PADI3: variants seen among roughly 807,000 people sequenced by gnomAD.
PADI3 encodes peptidyl arginine deiminase 3.
PADI3 carries 53 observed loss-of-function variants against 71.5 expected under a neutral mutation model. The ratio of observed to expected loss-of-function variants is 0.74; its 90% CI spans 0.59 to 0.93. PADI3 has a LOEUF of 0.93. Among genes scored for constraint, PADI3 ranks in the 40% least tolerant of loss-of-function variants. The probability of loss-of-function intolerance (pLI) is 0.00; values close to 1 mark genes in which losing one functional copy is unlikely to be tolerated. For synonymous variants in PADI3, 361 were observed against 347.5 expected (o/e 1.04, Z -0.43); for missense variants, 821 against 868.0 (o/e 0.95, Z 0.68).
Position 17,259,579 on chromosome 1 carries a change from T to TCAGTGG in PADI3, c.99_100insGCAGTG (p.Val33_Pro34insAlaVal). On this transcript the variant is annotated inframe_insertion and splice_region_variant, in exon 2 of 16. Transcript: ENST00000375460. ...ACCATGGCTCTCTGCCCTGCCCAGG[T>TCAGTGG]CAGTGCCTGAGGGCACAGAAATGTT... 1 of 1,601,974 alleles carries TCAGTGG rather than the reference T, an allele frequency of 6.2e-7. No homozygotes were observed. Among genetic ancestry groups the TCAGTGG allele is most frequent in the Non-Finnish European group, 8.5e-7 (1 of 1,172,768 alleles).
intron 8 of PADI3, 35 bp downstream of exon 8, chr1:17,271,017 C>G: frequency 6.2e-7 from 1 of 1,613,328 alleles, no homozygotes; most frequent in Non-Finnish European, 8.5e-7. Context: ...CCCTCTGGCC[C>G]CCAGGCCCCG....
rs71014927 is a variant in PADI3, at chr1:17,281,450, C to CTTT, written c.1761+665_1761+667dup. On this transcript the variant is annotated intron_variant, in intron 15 of 15. Transcript: ENST00000375460. The stretch of plus-strand genomic sequence containing the variant: ...CTTGTAAATCTTTTTTTCTTTTTTT[C>CTTT]TTTTTTTTTTTTTGAGACGGAGTCT... 5.3e-4 allele frequency among the ~76,000 whole-genome samples: 75 copies of CTTT among 141,998 alleles called. 1 individual carries two copies. Among genetic ancestry groups the CTTT allele is most frequent in the African/African-American group, 1.6e-3 (60 of 38,384 alleles). The allele number at this position is 141,998 out of a possible 152,430, so 93.2% of individuals were successfully genotyped here. A position where few individuals can be genotyped will look rare whatever the true frequency, so the allele number is the denominator to read the frequency against.
intron 3 of PADI3, among the ~76,000 whole-genome samples, chr1:17,265,122 G>C (rs2073150924): frequency 6.6e-6 from 1 of 151,590 alleles, no homozygotes; most frequent in East Asian, 1.9e-4. Flanking sequence ...CAGAAAGATT[G>C]ATTCTGACCT....
rs771576156 is a variant in PADI3, at chr1:17,280,702, A to G, written c.1667A>G (p.Lys556Arg). 1 of 1,614,170 alleles carries G rather than the reference A, an allele frequency of 6.2e-7. No individual in the cohort carries two copies. Among genetic ancestry groups the G allele is most frequent in the Non-Finnish European group, 8.5e-7 (1 of 1,180,022 alleles). ...ATCGACTGGAACCGTGAGGTGCTGA[A>G]GCGGGAGCTGGGCCTGGCAGAGTGT... is the stretch of plus-strand genomic sequence containing the variant. Reference protein sequence around the residue: ...SCIDWNREVLKRELGLAECDI... With the variant: ...SCIDWNREVLRRELGLAECDI... The change falls in exon 15 of 16, where the codon AAG becomes AGG. Residue 556 changes from lysine to arginine, a missense_variant. By Grantham distance (26) the Lys-to-Arg change is conservative. Coordinates refer to ENST00000375460, the MANE Select transcript of PADI3 (RefSeq NM_016233.2).
rs551221702 is a variant in PADI3 at position 17,270,943 on chromosome 1, C to T, written c.896C>T (p.Thr299Met). 1.4e-5 allele frequency: 23 copies of T among 1,614,038 alleles called. No homozygotes were observed. Among genetic ancestry groups the T allele is most frequent in the Admixed American group, 6.7e-5 (4 of 59,992 alleles). ...VVFRVAPWIM[T>M]PSTLPPLEVY... ...TTCCGAGTGGCACCCTGGATCATGA[C>T]GCCCAGCACTCTGCCACCCCTAGAG... The change falls in exon 8 of 16, where the codon ACG (threonine) becomes ATG (methionine). Residue 299 changes from threonine to methionine, a missense_variant. Transcript: ENST00000375460.
chr1:17,249,785 C>T (rs1204391843), intron 1 of PADI3, among the ~76,000 whole-genome samples: 1 of 152,238 alleles, frequency 6.6e-6, no homozygotes, highest in Non-Finnish European at 1.5e-5. Flanking sequence ...TTATTAGCAT[C>T]ATCTCATCAG....
intron 11 of PADI3, among the ~76,000 whole-genome samples, chr1:17,275,436 CAAA>C (rs10617336): frequency 0.014 from 1,287 of 89,470 alleles, 4 homozygotes; most frequent in African/African-American, 0.016. Context: ...GACTCCGTCT[CAAA>C]AAAAAAAAAA....
rs1032928597 is a variant in PADI3, at chr1:17,283,892, C to T, written c.*813C>T. Reference sequence around the variant, plus strand: ...ATACACATGGTTGACTATGGTGATCCACCTTGTGATGGTTAATATTAGGTG... The same window carrying T: ...ATACACATGGTTGACTATGGTGATCTACCTTGTGATGGTTAATATTAGGTG... On this transcript the variant is annotated 3_prime_UTR_variant, in exon 16 of 16. Transcript: ENST00000375460. The T allele has an allele frequency of 1.3e-5, 2 of 152,142 alleles. No individual in the cohort carries two copies. The highest frequency in any genetic ancestry group is 2.9e-5 in the Non-Finnish European group (2 of 68,066). The allele number at this position is 152,142 out of a possible 1,614,324, so 9.4% of individuals were successfully genotyped here. A position where few individuals can be genotyped will look rare whatever the true frequency, so the allele number is the denominator to read the frequency against.
At chr1:17,262,836 A>G (rs1466783952) in intron 3 of PADI3, among the ~76,000 whole-genome samples, 3 of 152,276 alleles carry the variant, frequency 2.0e-5, no homozygotes, top group Non-Finnish European at 4.4e-5. Context: ...AAAACATAAC[A>G]GATCTAAGAG....
chr1:17,267,793 G>A (rs764459689), intron 5 of PADI3, 44 bp from the exon 6 acceptor site: 2 of 1,606,316 alleles, frequency 1.2e-6, no homozygotes, highest in East Asian at 4.5e-5. Context: ...GGGGCCAGGG[G>A]CCAGGACTCC....
chr1:17,252,985 G>A (rs1015956207), intron 1 of PADI3, among the ~76,000 whole-genome samples: 3 of 152,240 alleles, frequency 2.0e-5, no homozygotes, highest in Admixed American at 2.0e-4. Flanking sequence ...GGTCTTACAC[G>A]CCACTTCATT....
At chr1:17,271,241 T>A in intron 9 of PADI3, 63 bp downstream of exon 9, 1 of 1,378,610 alleles carries the variant, frequency 7.3e-7, no homozygotes. Context: ...GGCCTTCATT[T>A]GGGGGCCACC....
intron 4 of PADI3, among the ~76,000 whole-genome samples, chr1:17,266,433 G>A (rs553199090): frequency 6.6e-6 from 1 of 152,178 alleles, no homozygotes; most frequent in African/African-American, 2.4e-5. Context: ...GGAGGAATGA[G>A]CACAGAGTGA....
chr1:17,249,386 A>G (rs2072938704), intron 1 of PADI3, among the ~76,000 whole-genome samples, 157 bp downstream of exon 1: 1 of 152,134 alleles, frequency 6.6e-6, no homozygotes, highest in Non-Finnish European at 1.5e-5. Context: ...CTCTTGCTCT[A>G]CTGAGTTTCC....
At chr1:17,273,564 G>T in intron 10 of PADI3, 117 bp downstream of exon 10, 1 of 579,224 alleles carries the variant, frequency 1.7e-6, no homozygotes, top group Non-Finnish European at 3.0e-6. Context: ...AGGGATGAGG[G>T]TAGGGTTGCC....
chr1:17,252,131 G>A lies in PADI3; in HGVS notation c.92+2902G>A, dbSNP rs573986609. 1.4e-4 allele frequency among the ~76,000 whole-genome samples: 22 copies of A among 152,300 alleles called. No individual in the cohort carries two copies. The South Asian group carries it at 4.6e-3, about 32-fold the overall frequency. ...GCAGTGAGTCTTAGGATGGGGAAAGGGAAGGAAGGGTACCCTGGTGCACTG... is the reference window on the plus strand; with the variant it reads ...GCAGTGAGTCTTAGGATGGGGAAAGAGAAGGAAGGGTACCCTGGTGCACTG... On this transcript the variant is annotated intron_variant, in intron 1 of 15. Transcript: ENST00000375460.
At chr1:17,272,426 C>T (rs575785049) in intron 9 of PADI3, among the ~76,000 whole-genome samples, 46 of 152,276 alleles carry the variant, frequency 3.0e-4, no homozygotes, top group African/African-American at 1.0e-3. Context: ...TAGAGCCTGG[C>T]TGTGCCACCA....
intron 15 of PADI3, 122 bp from the exon 16 acceptor site, chr1:17,282,724 A>T (rs190046468): frequency 2.2e-4 from 159 of 724,164 alleles, no homozygotes; most frequent in Non-Finnish European, 3.3e-4. Context: ...TTCTCATTGC[A>T]CAGGAAAGGG....
intron 5 of PADI3, 62 bp from the exon 6 acceptor site, chr1:17,267,775 C>A: frequency 6.3e-7 from 1 of 1,591,192 alleles, no homozygotes; most frequent in South Asian, 1.1e-5. Flanking sequence ...AGCTGGGCAG[C>A]AGAGGAAGGG....
Sources: allele counts gnomAD v4.1 joint callset (sites outside exome capture counted in the v4.1 genomes callset), GRCh38; gene constraint gnomAD v4.1.1; transcripts MANE v1.5; gene names NCBI Gene and HGNC (gene_info 2026-07-23, HGNC 2026-07-21).